SLC35F6: variants seen among roughly 807,000 people sequenced by gnomAD.
SLC35F6 encodes the protein ANT2-binding protein.
A neutral mutation model predicts 29.4 loss-of-function variants in SLC35F6; 26 were observed. That is an observed-to-expected ratio of 0.89 (90% CI 0.65 to 1.23). The LOEUF is 1.23. Ranked by LOEUF, SLC35F6 falls within the 50% of genes most tolerant of loss-of-function variation. The pLI is 0.00. For synonymous variants in SLC35F6, 174 were observed against 206.6 expected (o/e 0.84, Z 1.35); for missense variants, 428 against 487.8 (o/e 0.88, Z 1.15).
chr2:26,773,590 G>T (rs1359661456), intron 1 of SLC35F6, among the ~76,000 whole-genome samples: 1 of 148,416 alleles, frequency 6.7e-6, no homozygotes, highest in African/African-American at 2.5e-5. Context: ...GCAAATTCGT[G>T]ATATAGAATA....
Position 26,764,439 on chromosome 2 carries a change from C to G in SLC35F6, c.77+13C>G, listed in dbSNP as rs939791416. 37 of 1,550,758 alleles carry G rather than the reference C, an allele frequency of 2.4e-5. No homozygotes were observed. Among genetic ancestry groups the G allele is most frequent in the Non-Finnish European group, 2.9e-5 (33 of 1,146,854 alleles). On this transcript the variant is annotated intron_variant, in intron 1 of 5. Coordinates refer to ENST00000344420, the MANE Select transcript of SLC35F6 (RefSeq NM_017877.4). ...CGCTCTCGGCAAAGTGAGTCTGGGC[C>G]CTGCCGGGCGTGCGGGCCCTGGCGA...
chr2:26,775,104 A>G lies in SLC35F6; in HGVS notation c.211A>G (p.Arg71Gly), dbSNP rs1384436981. The change falls in exon 3 of 6, where the codon AGA becomes GGA. Residue 71 changes from arginine to glycine, a missense_variant. Physicochemically the swap from Arg to Gly is moderately radical, Grantham distance 125 (BLOSUM62 -2). Coordinates refer to ENST00000344420, the MANE Select transcript of SLC35F6 (RefSeq NM_017877.4). The surrounding 1 kb of genome is among the most constrained non-coding windows in gnomAD (Gnocchi z 4.6). Reference sequence around the variant, plus strand: ...GGCTGCCTTCTACCTCCTCCGATGCAGAGCTGCAGGGCAATCAGACTCCAG... The same window carrying G: ...GGCTGCCTTCTACCTCCTCCGATGCGGAGCTGCAGGGCAATCAGACTCCAG... Reference protein sequence around the residue: ...CLAAFYLLRCRAAGQSDSSVD... With the variant: ...CLAAFYLLRCGAAGQSDSSVD... 3.1e-6 allele frequency: 5 copies of G among 1,614,032 alleles called. No homozygotes were observed. The South Asian group carries it at 4.4e-5, about 14-fold the overall frequency.
In SLC35F6 at chr2:26,774,888, TCTCTAGC is replaced by T. The variant is rs1017327526; in HGVS notation, c.151-152_151-146del. Among the ~76,000 whole-genome samples the T allele has an allele frequency of 4.6e-5, 7 of 152,162 alleles. 1 individual carries two copies. The highest frequency in any genetic ancestry group is 1.4e-4 in the African/African-American group (6 of 41,444). On this transcript the variant is annotated intron_variant, in intron 2 of 5. Transcript: ENST00000344420. ...GCTTTGGGGCAGACCTAGGAGGCTG[TCTCTAGC>T]CTCCATGGCAGCTCTGCATTTGTCT...
intron 1 of SLC35F6, among the ~76,000 whole-genome samples, chr2:26,767,289 G>A (rs115312034): frequency 6.6e-6 from 1 of 152,344 alleles, no homozygotes; most frequent in Non-Finnish European, 1.5e-5. Context: ...CTCTCAGCCA[G>A]CCCAGAGACA....
At chr2:26,765,852 A>G (rs1664087803) in intron 1 of SLC35F6, among the ~76,000 whole-genome samples, 1 of 152,202 alleles carries the variant, frequency 6.6e-6, no homozygotes, top group Admixed American at 6.5e-5. Flanking sequence ...CAGGATCTGA[A>G]CACAGCAAAG....
rs904754236 is a variant in SLC35F6 at position 26,775,588 on chromosome 2, A to G, written c.447A>G (p.Leu149=). ...TGCTGAGCCAGTGGCTGGGCATCCT[A>G]GCCACCATCGCGGGGCTGGTGGTCG... ...RLVLSQWLGI[L]ATIAGLVVVG... is the part of the protein sequence containing the mutation. Residue 149 remains leucine (L), a synonymous_variant, in exon 4 of 6, where the codon CTA becomes CTG. Transcript: ENST00000344420. This position sits in a 1 kb window ranked among gnomAD's most constrained non-coding sequence, Gnocchi z 4.6. 20 of 1,608,590 alleles carry G rather than the reference A, an allele frequency of 1.2e-5. No individual in the cohort carries two copies. The highest frequency in any genetic ancestry group is 1.7e-5 in the Non-Finnish European group (20 of 1,179,418).
rs202137789 is a variant in SLC35F6 at position 26,778,029 on chromosome 2, C to T, written c.647-13C>T. The T allele has an allele frequency of 3.9e-5, 62 of 1,601,818 alleles. No homozygotes were observed. Among genetic ancestry groups the T allele is most frequent in the Admixed American group, 5.0e-5 (3 of 59,656 alleles). ...GGAAGGTGGAGAGTGTAACTGTTTC[C>T]TCTACTCCCCAGGCCTCTTTGGCTT... is the stretch of plus-strand genomic sequence containing the variant. On this transcript the variant is annotated splice_polypyrimidine_tract_variant and intron_variant, in intron 5 of 5. Transcript: ENST00000344420.
At chr2:26,777,911 A>G in intron 5 of SLC35F6, 131 bp from the exon 6 acceptor site, 1 of 774,258 alleles carries the variant, frequency 1.3e-6, no homozygotes, top group Non-Finnish European at 2.1e-6. Flanking sequence ...AGACTGAGGG[A>G]CGTGAAAGGA....
chr2:26,767,962 A>T (rs1403016879), intron 1 of SLC35F6, among the ~76,000 whole-genome samples: 2 of 152,178 alleles, frequency 1.3e-5, no homozygotes, highest in African/African-American at 4.8e-5. Flanking sequence ...CCAGGCAGGG[A>T]TATGAGCCTG....
chr2:26,777,932 A>G, intron 5 of SLC35F6, 110 bp from the exon 6 acceptor site: 1 of 1,019,172 alleles, frequency 9.8e-7, no homozygotes, highest in Non-Finnish European at 1.5e-6. Context: ...GGGAGCTGGC[A>G]TGAGGACCAC....
In SLC35F6 at chr2:26,778,356, C is replaced by T; in HGVS notation, c.961C>T (p.Leu321Phe). 1 of 1,614,150 alleles carries T rather than the reference C, an allele frequency of 6.2e-7. No homozygotes were observed. Among genetic ancestry groups the T allele is most frequent in the South Asian group, 1.1e-5 (1 of 91,084 alleles). The change falls in exon 6 of 6, where the codon CTT becomes TTT. Residue 321 changes from leucine (L) to phenylalanine (F), a missense_variant. Transcript: ENST00000344420. ...GGAGGCCTTCCATGCACTGCAGATC[C>T]TTGGCTTCCTCATACTCCTTATAGG... is the stretch of plus-strand genomic sequence containing the variant. ...GWEAFHALQI[L>F]GFLILLIGTA...
At chr2:26,773,088 G>C (rs554297903) in intron 1 of SLC35F6, among the ~76,000 whole-genome samples, 3 of 152,110 alleles carry the variant, frequency 2.0e-5, no homozygotes, top group Non-Finnish European at 4.4e-5. Flanking sequence ...CATTTCCCAG[G>C]ACCCAAATAC....
At chr2:26,772,933 A>C (rs1458280287) in intron 1 of SLC35F6, among the ~76,000 whole-genome samples, 1 of 152,166 alleles carries the variant, frequency 6.6e-6, no homozygotes, top group Non-Finnish European at 1.5e-5. Context: ...AGTATGTCAT[A>C]ATCAGTCATC....
intron 5 of SLC35F6, among the ~76,000 whole-genome samples, chr2:26,776,972 G>T (rs1331186070): frequency 6.6e-6 from 1 of 152,174 alleles, no homozygotes; most frequent in Admixed American, 6.5e-5. Flanking sequence ...AGACCAAAGC[G>T]GGTGGATCAC....
chr2:26,775,576 G>T lies in SLC35F6; in HGVS notation c.435G>T (p.Trp145Cys), dbSNP rs1177613616. The change falls in exon 4 of 6, where the codon TGG (tryptophan) becomes TGT (cysteine). Residue 145 changes from tryptophan (W) to cysteine (C), a missense_variant. By Grantham distance (215) the Trp-to-Cys change is radical (BLOSUM62 -2). Transcript: ENST00000344420. This position sits in a 1 kb window ranked among gnomAD's most constrained non-coding sequence, Gnocchi z 4.6. ...GCCGGAGGCTGGTGCTGAGCCAGTG[G>T]CTGGGCATCCTAGCCACCATCGCGG... ...FLGRRLVLSQ[W>C]LGILATIAGL... The T allele has an allele frequency of 6.2e-7, 1 of 1,609,140 alleles. No homozygotes were observed. The highest frequency in any genetic ancestry group is 1.7e-5 in the Admixed American group (1 of 59,848).
Position 26,778,925 on chromosome 2 carries a change from A to C in SLC35F6, c.*414A>C. The C allele has an allele frequency of 5.9e-6, 1 of 169,304 alleles. No homozygotes were observed. The highest frequency in any genetic ancestry group is 2.4e-5 in the African/African-American group (1 of 42,088). The allele number at this position is 169,304 out of a possible 1,614,324, so 10.5% of individuals were successfully genotyped here. A position where few individuals can be genotyped will look rare whatever the true frequency, so the allele number is the denominator to read the frequency against. The stretch of plus-strand genomic sequence containing the variant: ...AGTCAGTGAGCAAATTTAAACCAGA[A>C]CTAAGCATTATATTTTCTTTTTTTT... On this transcript the variant is annotated 3_prime_UTR_variant, in exon 6 of 6. Transcript: ENST00000344420.
At position 26,778,736 on chromosome 2, in the gene SLC35F6, A is replaced by G. The variant is rs376698389; in HGVS notation, c.*225A>G. 4 of 550,426 alleles carry G rather than the reference A, an allele frequency of 7.3e-6. No individual in the cohort carries two copies. The highest frequency in any genetic ancestry group is 2.8e-5 in the East Asian group (1 of 35,424). The allele number at this position is 550,426 out of a possible 1,614,324, so 34.1% of individuals were successfully genotyped here. On this transcript the variant is annotated 3_prime_UTR_variant, in exon 6 of 6. Coordinates refer to ENST00000344420, the MANE Select transcript of SLC35F6 (RefSeq NM_017877.4). ...ACCCAGCCCCCACAAGCCTGAGTGC[A>G]GTGGCAGACCTCAGCTCTCTGGACC... is the stretch of plus-strand genomic sequence containing the variant.
At chr2:26,768,265 G>T (rs1044501646) in intron 1 of SLC35F6, among the ~76,000 whole-genome samples, 13 of 152,140 alleles carry the variant, frequency 8.5e-5, no homozygotes, top group African/African-American at 3.1e-4. Flanking sequence ...ATGAGCCACT[G>T]GACCTCTGTG....
intron 1 of SLC35F6, among the ~76,000 whole-genome samples, chr2:26,769,826 T>C (rs1018994994): frequency 6.6e-6 from 1 of 152,124 alleles, no homozygotes; most frequent in African/African-American, 2.4e-5. Context: ...GGGCAGAAAA[T>C]GAGTTTTGCT....
Sources: allele counts gnomAD v4.1 joint callset (sites outside exome capture counted in the v4.1 genomes callset), GRCh38; gene constraint gnomAD v4.1.1; non-coding constraint Gnocchi (gnomAD v3.1); transcripts MANE v1.5; gene names NCBI Gene and HGNC (gene_info 2026-07-23, HGNC 2026-07-21).